The following XXYLT1 variants were observed in gnomAD, a reference collection of about 807,000 sequenced individuals.
The protein encoded by XXYLT1 is UDP-xylose:alpha-xyloside alpha-1,3-xylosyltransferase.
A neutral mutation model predicts 28.9 loss-of-function variants in XXYLT1; 20 were observed. That is an observed-to-expected ratio of 0.69 (90% CI 0.49 to 1.00). The LOEUF (loss-of-function observed/expected upper bound fraction) is 1.00. Ranked by LOEUF, XXYLT1 falls within the 50% of genes least tolerant of loss-of-function variation. The pLI is 0.00. For missense variants in XXYLT1, 542 were observed against 560.1 expected (o/e 0.97, Z 0.33); for synonymous variants, 257 against 253.8 (o/e 1.01, Z -0.12).
At position 195,181,262 on chromosome 3, in the gene XXYLT1, TCTGCGTGG is replaced by T. The variant is rs879504798; in HGVS notation, c.653-24689_653-24682del. ...TCTCCCTTTTCACACTGGCTGTGTA[TCTGCGTGG>T]CTGCGTGGCTGCGTGGCTGCGGGGC... On this transcript the variant is annotated intron_variant, in intron 2 of 3. Transcript: ENST00000310380. Among the ~76,000 whole-genome samples, 22 of 120,320 alleles carry T rather than the reference TCTGCGTGG, an allele frequency of 1.8e-4. No individual in the cohort carries two copies. In the Middle Eastern group the frequency reaches 0.02, roughly 107 times the overall value. 78.9% of individuals were successfully genotyped at this position (120,320 alleles called of 152,430 possible).
At chr3:195,159,642 C>T (rs1720770933) in intron 2 of XXYLT1, among the ~76,000 whole-genome samples, 1 of 152,166 alleles carries the variant, frequency 6.6e-6, no homozygotes. Flanking sequence ...ACCCTGTCAC[C>T]ATCATTGCCG....
intron 3 of XXYLT1, among the ~76,000 whole-genome samples, chr3:195,127,612 C>CA (rs1229684642): frequency 6.6e-6 from 1 of 152,004 alleles, no homozygotes; most frequent in Non-Finnish European, 1.5e-5. Flanking sequence ...CCTATCTCTA[C>CA]AAAAAATCAA....
chr3:195,262,511 T>G (rs1725726724), intron 1 of XXYLT1, among the ~76,000 whole-genome samples: 1 of 151,710 alleles, frequency 6.6e-6, no homozygotes, highest in Non-Finnish European at 1.5e-5. Context: ...AAAAAAAAAG[T>G]AATTATCTAT....
At position 195,266,388 on chromosome 3, in the gene XXYLT1, G is replaced by A. The variant is rs1046804723; in HGVS notation, c.504+4167C>T. 9.9e-5 allele frequency among the ~76,000 whole-genome samples: 15 copies of A among 152,008 alleles called. 1 individual carries two copies. In the South Asian group the frequency reaches 1.0e-3, roughly 11 times the overall value. On this transcript the variant is annotated intron_variant, in intron 1 of 3. Transcript: ENST00000310380. ...TGGGTGCCTGTAGTCCAGCTACTCC[G>A]GAAGCTGAGACAGGAGAATCGCTTG...
intron 2 of XXYLT1, among the ~76,000 whole-genome samples, chr3:195,212,988 CCCA>C (rs1723395324): frequency 6.6e-6 from 1 of 152,218 alleles, no homozygotes; most frequent in Non-Finnish European, 1.5e-5. Flanking sequence ...CCCCGGGGCC[CCCA>C]CCACAATTCA....
chr3:195,269,185 A>G (rs561976325), intron 1 of XXYLT1, among the ~76,000 whole-genome samples: 8 of 152,246 alleles, frequency 5.3e-5, no homozygotes, highest in Non-Finnish European at 7.3e-5. Context: ...TGACAATGCT[A>G]TCTTCAAGGC....
chr3:195,235,808 T>A (rs1002782772), intron 1 of XXYLT1, among the ~76,000 whole-genome samples: 4 of 152,048 alleles, frequency 2.6e-5, no homozygotes, highest in Non-Finnish European at 4.4e-5. Context: ...TGGTCTTAGA[T>A]CACATCTGGA....
chr3:195,192,424 C>CAAAAAA (rs1301489501), intron 2 of XXYLT1, among the ~76,000 whole-genome samples: 31 of 142,200 alleles, frequency 2.2e-4, no homozygotes, highest in African/African-American at 7.7e-4. Context: ...GACTCTGTCT[C>CAAAAAA]AAGAAAAAAA....
At chr3:195,242,321 C>T (rs558622010) in intron 1 of XXYLT1, among the ~76,000 whole-genome samples, 16 of 152,276 alleles carry the variant, frequency 1.1e-4, no homozygotes, top group African/African-American at 3.6e-4. Flanking sequence ...CACAGGCCTC[C>T]TTCTCACCTT....
chr3:195,175,540 A>G, intron 2 of XXYLT1: 1 of 1,524,522 alleles, frequency 6.6e-7, no homozygotes. Flanking sequence ...GTTCAGATGG[A>G]GATTCCTAGG....
Position 195,156,665 on chromosome 3 carries a change from G to A in XXYLT1, c.653-84C>T, listed in dbSNP as rs902192368. The A allele has an allele frequency of 1.9e-6, 3 of 1,542,044 alleles. No homozygotes were observed. In the South Asian group the frequency reaches 3.6e-5, roughly 19 times the overall value. ...CGGACAGAAAATGAAGTGGAGGGCA[G>A]AGAAAAGGGCACTGGACTCTTACTG... On this transcript the variant is annotated intron_variant, in intron 2 of 3. Coordinates refer to ENST00000310380, the MANE Select transcript of XXYLT1 (RefSeq NM_152531.5).
At chr3:195,211,267 G>A (rs1035410269) in intron 2 of XXYLT1, among the ~76,000 whole-genome samples, 2 of 152,140 alleles carry the variant, frequency 1.3e-5, no homozygotes, top group South Asian at 2.1e-4. Flanking sequence ...GGTGGCTCAC[G>A]CCTGTAATCC....
At chr3:195,177,514 G>A (rs915295460) in intron 2 of XXYLT1, among the ~76,000 whole-genome samples, 11 of 152,188 alleles carry the variant, frequency 7.2e-5, no homozygotes, top group Non-Finnish European at 1.3e-4. Flanking sequence ...CAACCTGGTG[G>A]GGTAGGATCA....
intron 2 of XXYLT1, among the ~76,000 whole-genome samples, chr3:195,222,954 T>C (rs1031806005): frequency 7.2e-5 from 11 of 152,166 alleles, no homozygotes; most frequent in Admixed American, 7.2e-4. Flanking sequence ...CCAGGTGCAG[T>C]GGCTCACACC....
chr3:195,088,139 G>A (rs1715871491), intron 3 of XXYLT1, among the ~76,000 whole-genome samples: 2 of 148,938 alleles, frequency 1.3e-5, no homozygotes, highest in South Asian at 4.3e-4. Flanking sequence ...GGCTTGATTA[G>A]GTAAACAAAG....
Position 195,209,506 on chromosome 3 carries a change from A to T in XXYLT1, c.652+17203T>A, listed in dbSNP as rs1186656880. 3.3e-5 allele frequency: 5 copies of T among 152,266 alleles called. No homozygotes were observed. Among genetic ancestry groups the T allele is most frequent in the Admixed American group, 3.3e-4 (5 of 15,282 alleles). 9.4% of individuals were successfully genotyped at this position (152,266 alleles called of 1,614,324 possible). ...CCCTCTGGGACCTTTACAACCCCAG[A>T]GGTCAGTGTCAGGCAGCCCCACCGA... On this transcript the variant is annotated intron_variant, in intron 2 of 3. Transcript: ENST00000310380. The surrounding 1 kb of genome is among the most constrained non-coding windows in gnomAD (Gnocchi z 5.0).
intron 3 of XXYLT1, among the ~76,000 whole-genome samples, chr3:195,109,253 C>T (rs62290320): frequency 0.12 from 18,725 of 152,190 alleles, 1,519 homozygotes; most frequent in East Asian, 0.33. Flanking sequence ...GACAGCCCAG[C>T]AGCGCCTTCA....
intron 3 of XXYLT1, chr3:195,121,882 G>C: frequency 6.6e-6 from 4 of 606,932 alleles, no homozygotes; most frequent in Non-Finnish European, 1.2e-5. Context: ...CATCTCTAAA[G>C]GCATCGTCTA....
chr3:195,218,780 G>A (rs113442215), intron 2 of XXYLT1, among the ~76,000 whole-genome samples: 1 of 150,374 alleles, frequency 6.7e-6, no homozygotes, highest in Non-Finnish European at 1.5e-5. Context: ...ATCTAGAACT[G>A]GAAATACCAT....
Sources: allele counts gnomAD v4.1 joint callset (sites outside exome capture counted in the v4.1 genomes callset), GRCh38; gene constraint gnomAD v4.1.1; non-coding constraint Gnocchi (gnomAD v3.1); transcripts MANE v1.5; gene names NCBI Gene and HGNC (gene_info 2026-07-23, HGNC 2026-07-21).